Variants in DNAJC1 observed in about 807,000 individuals in gnomAD.
DNAJC1 encodes DnaJ heat shock protein family (Hsp40) member C1.
In DNAJC1, 58 loss-of-function variants were observed where a neutral mutation model predicts 76.6. That is an observed-to-expected ratio of 0.76 (90% confidence interval 0.61 to 0.94). The LOEUF is 0.94. DNAJC1 is among the 40% of genes least tolerant of loss of function. The pLI, the probability that DNAJC1 is intolerant of heterozygous loss-of-function variation, is 0.00. For missense variants in DNAJC1, 689 were observed against 677.3 expected (o/e 1.02, Z -0.19); for synonymous variants, 258 against 267.9 (o/e 0.96, Z 0.36).
At chr10:21,801,132 G>A (rs1298007607) in intron 9 of DNAJC1, among the ~76,000 whole-genome samples, 2 of 151,974 alleles carry the variant, frequency 1.3e-5, no homozygotes, top group Admixed American at 1.3e-4. Flanking sequence ...ACAAATAAAA[G>A]TATATTTAAA....
At chr10:21,802,486 G>C (rs955441315) in intron 9 of DNAJC1, among the ~76,000 whole-genome samples, 2 of 152,104 alleles carry the variant, frequency 1.3e-5, no homozygotes, top group African/African-American at 4.8e-5. Context: ...CTATACAAAT[G>C]AATTGGGAAT....
chr10:21,809,295 T>A (rs1332100681), intron 8 of DNAJC1, among the ~76,000 whole-genome samples: 1 of 152,040 alleles, frequency 6.6e-6, no homozygotes, highest in South Asian at 2.1e-4. Context: ...TTTTATACTT[T>A]AATGACAAAA....
intron 7 of DNAJC1, among the ~76,000 whole-genome samples, chr10:21,902,123 C>A (rs540395524): frequency 6.6e-6 from 1 of 152,194 alleles, no homozygotes; most frequent in South Asian, 2.1e-4. Flanking sequence ...TGCAAGATAA[C>A]AATCTTATTA....
chr10:21,899,374 C>T (rs1213605170), intron 7 of DNAJC1, among the ~76,000 whole-genome samples: 3 of 152,218 alleles, frequency 2.0e-5, no homozygotes, highest in Non-Finnish European at 4.4e-5. Flanking sequence ...TGGCACCTCA[C>T]GAGTTAAGAC....
At chr10:21,978,269 G>A (rs547946831) in intron 1 of DNAJC1, among the ~76,000 whole-genome samples, 1 of 152,266 alleles carries the variant, frequency 6.6e-6, no homozygotes, top group South Asian at 2.1e-4. Context: ...AACAGAGGGA[G>A]AGAGAAACAT....
chr10:21,913,717 G>C (rs1370754367), intron 6 of DNAJC1, among the ~76,000 whole-genome samples: 2 of 152,154 alleles, frequency 1.3e-5, no homozygotes, highest in African/African-American at 4.8e-5. Context: ...CAGATTCCAA[G>C]AGAATGTGTA....
intron 7 of DNAJC1, among the ~76,000 whole-genome samples, chr10:21,902,936 C>CT (rs1347156022): frequency 1.3e-5 from 2 of 151,284 alleles, no homozygotes; most frequent in African/African-American, 2.4e-5. Context: ...TTTCTTTTTT[C>CT]TTTTTTTTGA....
chr10:21,775,852 T>A (rs1834448911), intron 9 of DNAJC1, among the ~76,000 whole-genome samples: 1 of 152,140 alleles, frequency 6.6e-6, no homozygotes, highest in Non-Finnish European at 1.5e-5. Flanking sequence ...TCTGAGGAAC[T>A]AATATTGTGG....
chr10:21,896,690 A>G (rs1363498633), intron 7 of DNAJC1, among the ~76,000 whole-genome samples: 1 of 152,054 alleles, frequency 6.6e-6, no homozygotes, highest in Admixed American at 6.6e-5. Context: ...GGCTATTGGT[A>G]TTTAATTAAT....
chr10:21,858,483 G>A (rs1424166092), intron 8 of DNAJC1, among the ~76,000 whole-genome samples: 1 of 152,336 alleles, frequency 6.6e-6, no homozygotes, highest in African/African-American at 2.4e-5. Context: ...AGAGGAAAGT[G>A]CAATAATAAC....
chr10:22,003,716 C>T lies in DNAJC1; in HGVS notation c.-282G>A, dbSNP rs1267525307. 1 of 344,782 alleles carries T rather than the reference C, an allele frequency of 2.9e-6. No homozygotes were observed. Among genetic ancestry groups the T allele is most frequent in the East Asian group, 4.5e-5 (1 of 22,000 alleles). The allele number at this position is 344,782 out of a possible 1,614,324, so 21.4% of individuals were successfully genotyped here. A position where few individuals can be genotyped will look rare whatever the true frequency, so the allele number is the denominator to read the frequency against. ...ACAGCTGTAGAGGCAGCGCCCGGCGCCTGGGCTGCACAGTGGGTGAGGCTT... is the reference window on the plus strand; with the variant it reads ...ACAGCTGTAGAGGCAGCGCCCGGCGTCTGGGCTGCACAGTGGGTGAGGCTT... On this transcript the variant is annotated 5_prime_UTR_variant, in exon 1 of 12. Coordinates refer to ENST00000376980, the MANE Select transcript of DNAJC1 (RefSeq NM_022365.4).
Position 21,964,720 on chromosome 10 carries a change from T to C in DNAJC1, c.223-35579A>G, listed in dbSNP as rs74229969. Among the ~76,000 whole-genome samples, 14 of 152,036 alleles carry C rather than the reference T, an allele frequency of 9.2e-5. No homozygotes were observed. The East Asian group carries it at 2.3e-3, about 25-fold the overall frequency. On this transcript the variant is annotated intron_variant, in intron 1 of 11. Transcript: ENST00000376980. ...AAAAAGTCTGTTGGTTTTTTTTTTT[T>C]TTTAATTCTGTTTTTGTTGTTTTTC... is the stretch of plus-strand genomic sequence containing the variant.
At chr10:21,856,444 G>A (rs1031430974) in intron 8 of DNAJC1, among the ~76,000 whole-genome samples, 4 of 152,048 alleles carry the variant, frequency 2.6e-5, no homozygotes, top group East Asian at 1.9e-4. Flanking sequence ...GCTGCATGGT[G>A]GAAATACTAT....
At chr10:21,980,813 T>G (rs1221392054) in intron 1 of DNAJC1, among the ~76,000 whole-genome samples, 1 of 152,178 alleles carries the variant, frequency 6.6e-6, no homozygotes, top group East Asian at 1.9e-4. Flanking sequence ...ATATATTTCT[T>G]AAGTCTAATA....
intron 3 of DNAJC1, among the ~76,000 whole-genome samples, chr10:21,928,126 G>C (rs1052491703): frequency 3.9e-5 from 6 of 152,080 alleles, no homozygotes; most frequent in African/African-American, 1.4e-4. Flanking sequence ...TTAAGGAATG[G>C]GGGGGAAAAG....
chr10:21,856,585 T>G (rs1166086776), intron 8 of DNAJC1, among the ~76,000 whole-genome samples: 1 of 152,114 alleles, frequency 6.6e-6, no homozygotes, highest in Non-Finnish European at 1.5e-5. Context: ...ATCAAGGCTT[T>G]TTTTCCTCCT....
intron 8 of DNAJC1, among the ~76,000 whole-genome samples, chr10:21,877,319 C>T (rs532921504): frequency 1.7e-3 from 263 of 150,988 alleles, no homozygotes; most frequent in Non-Finnish European, 3.2e-3. Flanking sequence ...TATATTTGAA[C>T]ATAGAAAACA....
At chr10:21,883,278 A>ACACACACG (rs1413456581) in intron 7 of DNAJC1, among the ~76,000 whole-genome samples, 8 of 147,626 alleles carry the variant, frequency 5.4e-5, no homozygotes, top group Non-Finnish European at 1.0e-4. Context: ...ACACACACAC[A>ACACACACG]CACACACACA....
intron 9 of DNAJC1, among the ~76,000 whole-genome samples, chr10:21,782,753 A>C (rs1834549439): frequency 6.6e-6 from 1 of 152,232 alleles, no homozygotes; most frequent in African/African-American, 2.4e-5. Context: ...GAACATATGC[A>C]AATCAATAAA....
Sources: gnomAD v4.1 joint callset for allele counts (sites outside exome capture counted in the v4.1 genomes callset) on GRCh38, gnomAD v4.1.1 for gene constraint, MANE v1.5 for transcripts, NCBI Gene and HGNC (gene_info 2026-07-23, HGNC 2026-07-21) for gene names.